Variants in A2M observed in about 807,000 individuals in gnomAD.
A2M encodes the protein C3 and PZP-like alpha-2-macroglobulin domain-containing protein 5.
A2M carries 128 observed loss-of-function variants against 183.9 expected under a neutral mutation model. The ratio of observed to expected loss-of-function variants is 0.70; its 90% CI spans 0.60 to 0.81. The LOEUF is 0.81. A2M is among the 30% of genes least tolerant of loss of function. The probability of loss-of-function intolerance (pLI) is 0.00; values close to 1 mark genes in which losing one functional copy is unlikely to be tolerated. For missense variants in A2M, 1,495 were observed against 1,787.6 expected, an observed-to-expected ratio of 0.84 and a Z score of 2.95; for synonymous variants, 592 against 670.8, an observed-to-expected ratio of 0.88 and a Z score of 1.81.
intron 31 of A2M, 127 bp downstream of exon 31, chr12:9,072,232 A>G: frequency 1.8e-6 from 2 of 1,098,240 alleles, no homozygotes; most frequent in Non-Finnish European, 2.6e-6. Flanking sequence ...TCAACTTAAG[A>G]GAATACATTG....
intron 32 of A2M, among the ~76,000 whole-genome samples, chr12:9,070,226 T>G (rs1948528024): frequency 6.6e-6 from 1 of 152,236 alleles, no homozygotes; most frequent in Non-Finnish European, 1.5e-5. Context: ...TTTTATCTTC[T>G]TAGCAAAATT....
chr12:9,068,138 C>G, intron 35 of A2M, 45 bp downstream of exon 35: 1 of 1,607,232 alleles, frequency 6.2e-7, no homozygotes, highest in Non-Finnish European at 8.5e-7. Context: ...GGGGGGCAAG[C>G]TGAAGGAGCT....
Position 9,098,728 on chromosome 12 carries a change from C to T in A2M, c.1730G>A (p.Ser577Asn). 1.9e-6 allele frequency: 3 copies of T among 1,612,970 alleles called. No individual in the cohort carries two copies. Among genetic ancestry groups the T allele is most frequent in the Non-Finnish European group, 2.5e-6 (3 of 1,179,756 alleles). Reference sequence around the variant, plus strand: ...CAGGTGGGCGTGTGAGGCTGGGAGACTTTGTGATGGGCTGAAGCTCAAATC... The same window carrying T: ...CAGGTGGGCGTGTGAGGCTGGGAGATTTTGTGATGGGCTGAAGCTCAAATC... ...KVDLSFSPSQ[S>N]LPASHAHLRV... The change falls in exon 15 of 36, where the codon AGT (serine) becomes AAT (asparagine). Residue 577 changes from serine to asparagine, a missense_variant. By Grantham distance (46) the Ser-to-Asn change is conservative (BLOSUM62 1). Coordinates refer to ENST00000318602, the MANE Select transcript of A2M (RefSeq NM_000014.6).
Position 9,110,341 on chromosome 12 carries a change from G to T in A2M, c.484-7C>A. 1 of 1,414,954 alleles carries T rather than the reference G, an allele frequency of 7.1e-7. No individual in the cohort carries two copies. Among genetic ancestry groups the T allele is most frequent in the South Asian group, 1.5e-5 (1 of 68,772 alleles). The allele number at this position is 1,414,954 out of a possible 1,614,324, so 87.6% of individuals were successfully genotyped here. A position where few individuals can be genotyped will look rare whatever the true frequency, so the allele number is the denominator to read the frequency against. On this transcript the variant is annotated splice_polypyrimidine_tract_variant and splice_region_variant and intron_variant, in intron 4 of 35. Transcript: ENST00000318602. ...GAATGTATACTAGTGGAATCTGAAA[G>T]ACAAAAGAAAAAAGAAGTTTATAAT...
chr12:9,110,119 T>G lies in A2M; in HGVS notation c.505-84A>C, dbSNP rs1938613246. 5 of 1,470,694 alleles carry G rather than the reference T, an allele frequency of 3.4e-6. No homozygotes were observed. In the Admixed American group the frequency reaches 1.0e-4, roughly 31 times the overall value. 91.1% of individuals were successfully genotyped at this position (1,470,694 alleles called of 1,614,324 possible). A position where few individuals can be genotyped will look rare whatever the true frequency, so the allele number is the denominator to read the frequency against. On this transcript the variant is annotated intron_variant, in intron 5 of 35. Transcript: ENST00000318602. ...AGATATCTATGGAAACCCTAAGTTA[T>G]CTACAAAAAGGTCAAATGGGGTAGT... is the stretch of plus-strand genomic sequence containing the variant.
intron 25 of A2M, among the ~76,000 whole-genome samples, chr12:9,078,646 C>T (rs1426121433): frequency 6.6e-6 from 1 of 152,184 alleles, no homozygotes; most frequent in South Asian, 2.1e-4. Flanking sequence ...AACAAATTTA[C>T]ATTCAAGTAA....
Position 9,112,214 on chromosome 12 carries a change from G to A in A2M, c.431-3C>T. Reference sequence around the variant, plus strand: ...CATGGAGACAACACGAAATTTCACTGAAACAGAAATATTTTTCATGAGCCC... The same window carrying A: ...CATGGAGACAACACGAAATTTCACTAAAACAGAAATATTTTTCATGAGCCC... On this transcript the variant is annotated splice_region_variant and splice_polypyrimidine_tract_variant and intron_variant, in intron 3 of 35. Coordinates refer to ENST00000318602, the MANE Select transcript of A2M (RefSeq NM_000014.6). 6.2e-7 allele frequency: 1 copy of A among 1,613,792 alleles called. No individual in the cohort carries two copies. Among genetic ancestry groups the A allele is most frequent in the South Asian group, 1.1e-5 (1 of 91,050 alleles).
chr12:9,096,002 A>T (rs1027559321), intron 15 of A2M, among the ~76,000 whole-genome samples: 1 of 146,526 alleles, frequency 6.8e-6, no homozygotes, highest in African/African-American at 2.5e-5. Context: ...CTCATGATCC[A>T]CCCGCCTCGG....
chr12:9,079,517 A>G, intron 24 of A2M, 122 bp downstream of exon 24: 1 of 1,101,958 alleles, frequency 9.1e-7, no homozygotes, highest in Non-Finnish European at 1.3e-6. Context: ...GAAATTAACT[A>G]TCATAGCAGC....
rs1217279645 is a variant in A2M at position 9,076,927 on chromosome 12, C to G, written c.3361G>C (p.Val1121Leu). The G allele has an allele frequency of 6.3e-7, 1 of 1,589,894 alleles. No individual in the cohort carries two copies. The change falls in exon 28 of 36, where the codon GTC (valine) becomes CTC (leucine). Residue 1121 changes from valine to leucine, a missense_variant. Transcript: ENST00000318602. ...EIPLTVTHPV[V>L]RNALFCLESA... Reference sequence around the variant, plus strand: ...TCCAGGCAAAACAGGGCATTGCGGACAACAGGGTGCTGTGAAGGCAGAACA... The same window carrying G: ...TCCAGGCAAAACAGGGCATTGCGGAGAACAGGGTGCTGTGAAGGCAGAACA...
chr12:9,111,188 A>G (rs1938697878), intron 4 of A2M, among the ~76,000 whole-genome samples: 1 of 152,230 alleles, frequency 6.6e-6, no homozygotes, highest in African/African-American at 2.4e-5. Flanking sequence ...AATCTTTATT[A>G]AGTACCTTCT....
intron 22 of A2M, among the ~76,000 whole-genome samples, chr12:9,086,301 T>C (rs1051236170): frequency 1.3e-5 from 2 of 152,164 alleles, no homozygotes; most frequent in Admixed American, 1.3e-4. Flanking sequence ...GCTGAGGTGG[T>C]AGGATTGCTT....
Position 9,070,390 on chromosome 12 carries a change from A to AT in A2M, c.4194+97dup, listed in dbSNP as rs1329445080. 12 of 819,186 alleles carry AT rather than the reference A, an allele frequency of 1.5e-5. No individual in the cohort carries two copies. In the Admixed American group the frequency reaches 2.7e-4, roughly 19 times the overall value. The allele number at this position is 819,186 out of a possible 1,614,324, so 50.7% of individuals were successfully genotyped here. On this transcript the variant is annotated intron_variant, in intron 32 of 35. Coordinates refer to ENST00000318602, the MANE Select transcript of A2M (RefSeq NM_000014.6). ...GAAAAAGGATAAGGCTTTGATAGAG[A>AT]TTGACTTTAATAGTATTTTGATATT... is the stretch of plus-strand genomic sequence containing the variant.
At chr12:9,073,551 TTA>T (rs1948644709) in intron 29 of A2M, among the ~76,000 whole-genome samples, 1 of 152,214 alleles carries the variant, frequency 6.6e-6, no homozygotes, top group South Asian at 2.1e-4. Context: ...ACAAAATTAC[TTA>T]GTTTTTTTCA....
At chr12:9,097,086 A>G (rs1056966626) in intron 15 of A2M, among the ~76,000 whole-genome samples, 76 of 152,168 alleles carry the variant, frequency 5.0e-4, no homozygotes, top group African/African-American at 1.8e-3. Context: ...TGCCTTATCT[A>G]CCCATCAGGG....
chr12:9,086,293 T>C (rs930129252), intron 22 of A2M, among the ~76,000 whole-genome samples: 1 of 152,198 alleles, frequency 6.6e-6, no homozygotes, highest in Non-Finnish European at 1.5e-5. Flanking sequence ...TGTGGGTGGC[T>C]GAGGTGGTAG....
chr12:9,095,140 T>A, intron 16 of A2M, 56 bp from the exon 17 acceptor site: 1 of 888,094 alleles, frequency 1.1e-6, no homozygotes, highest in Non-Finnish European at 1.7e-6. Context: ...TATACATAGG[T>A]AGCTACTTCT....
intron 14 of A2M, 123 bp downstream of exon 14, chr12:9,099,258 C>T: frequency 1.1e-6 from 1 of 891,952 alleles, no homozygotes; most frequent in Non-Finnish European, 1.8e-6. Context: ...CACTACCTTG[C>T]TGAATGTCTC....
Position 9,098,592 on chromosome 12 carries a change from C to T in A2M, c.1851+15G>A. ...GCACGGCCCTTCTTGATTCCTGAGG[C>T]TGCCAGGAACTCACCGAGGACGCCG... is the stretch of plus-strand genomic sequence containing the variant. On this transcript the variant is annotated intron_variant, in intron 15 of 35. Coordinates refer to ENST00000318602, the MANE Select transcript of A2M (RefSeq NM_000014.6). 1 of 1,585,136 alleles carries T rather than the reference C, an allele frequency of 6.3e-7. No homozygotes were observed. The highest frequency in any genetic ancestry group is 8.6e-7 in the Non-Finnish European group (1 of 1,166,110).
Sources: allele counts gnomAD v4.1 joint callset (sites outside exome capture counted in the v4.1 genomes callset), GRCh38; gene constraint gnomAD v4.1.1; transcripts MANE v1.5; gene names NCBI Gene and HGNC (gene_info 2026-07-23, HGNC 2026-07-21).